RIN2: variants seen among roughly 807,000 people sequenced by gnomAD.
The protein encoded by RIN2 is Ras and Rab interactor 2, also known as RAB5 interacting protein 2.
RIN2 carries 36 observed loss-of-function variants against 78.0 expected under a neutral mutation model. That is an observed-to-expected ratio of 0.46 (90% CI 0.35 to 0.61). The LOEUF is 0.61. RIN2 is among the 20% of genes least tolerant of loss of function. The probability of loss-of-function intolerance (pLI) is 0.00; values close to 1 mark genes in which losing one functional copy is unlikely to be tolerated. For synonymous variants in RIN2, 466 were observed against 466.8 expected (o/e 1.00, Z 0.02); for missense variants, 1,087 against 1,159.7 (o/e 0.94, Z 0.91).
chr20:19,817,288 C>T (rs140008737), intron 2 of RIN2, among the ~76,000 whole-genome samples: 11 of 152,336 alleles, frequency 7.2e-5, no homozygotes, highest in Non-Finnish European at 1.3e-4. Flanking sequence ...GTTCAAGGTG[C>T]TAGCTGACTC....
At chr20:19,848,252 C>T (rs1168990139) in intron 2 of RIN2, among the ~76,000 whole-genome samples, 2 of 152,110 alleles carry the variant, frequency 1.3e-5, no homozygotes, top group Non-Finnish European at 1.5e-5. Context: ...AGCAGGGTCT[C>T]GGCCAGACAA....
Position 19,787,466 on chromosome 20 carries a change from G to T in RIN2, c.-162-12156G>T, listed in dbSNP as rs565300901. Among the ~76,000 whole-genome samples, 5 of 146,096 alleles carry T rather than the reference G, an allele frequency of 3.4e-5. No individual in the cohort carries two copies. In the South Asian group the frequency reaches 1.1e-3, roughly 33 times the overall value. On this transcript the variant is annotated intron_variant, in intron 1 of 12. Transcript: ENST00000255006. ...AAAAAAGAGAGAGAGAGAGAGAAAT[G>T]ACCTCAAATGCGGGGCTAGAGGGAG...
intron 1 of RIN2, among the ~76,000 whole-genome samples, chr20:19,769,044 C>G (rs1304912482): frequency 6.6e-6 from 1 of 151,678 alleles, no homozygotes; most frequent in Non-Finnish European, 1.5e-5. Flanking sequence ...GCCTCAGCCT[C>G]CTGAGTAGCT....
In RIN2 at chr20:19,975,562, C is replaced by T; in HGVS notation, c.1537C>T (p.Arg513Trp). ...CAGCTCCTTCATGACCCCGGAGAAG[C>T]GGATGGTCCGCAGGATCGCCGAGCT... Reference protein sequence around the residue: ...VFSSFMTPEKRMVRRIAELSR... With the variant: ...VFSSFMTPEKWMVRRIAELSR... Residue 513 changes from arginine to tryptophan, a missense_variant, in exon 9 of 13, where the codon CGG becomes TGG. By Grantham distance (101) the Arg-to-Trp change is moderately radical. Transcript: ENST00000255006. This position sits in a 1 kb window ranked among gnomAD's most constrained non-coding sequence, Gnocchi z 4.9. 1 of 1,614,046 alleles carries T rather than the reference C, an allele frequency of 6.2e-7. No homozygotes were observed. Among genetic ancestry groups the T allele is most frequent in the Non-Finnish European group, 8.5e-7 (1 of 1,179,902 alleles).
chr20:19,863,813 G>A lies in RIN2; in HGVS notation c.-36-25753G>A, dbSNP rs2037416960. ...GTTGTTTCTGCTGTTATAAAACTGC[G>A]GTTCATCGGTAGAAAGCAAAGATGA... is the stretch of plus-strand genomic sequence containing the variant. On this transcript the variant is annotated intron_variant, in intron 2 of 12. Coordinates refer to ENST00000255006, the MANE Select transcript of RIN2 (RefSeq NM_018993.4). 2.0e-5 allele frequency among the ~76,000 whole-genome samples: 3 copies of A among 152,124 alleles called. 1 individual carries two copies. The highest frequency in any genetic ancestry group is 4.2e-4 in the South Asian group (2 of 4,800).
intron 2 of RIN2, among the ~76,000 whole-genome samples, chr20:19,833,505 G>A (rs554537365): frequency 6.6e-6 from 1 of 152,272 alleles, no homozygotes; most frequent in Admixed American, 6.5e-5. Flanking sequence ...AAGTACAAAT[G>A]TCCCTTGGTG....
chr20:19,802,293 C>T (rs972290283), intron 2 of RIN2, among the ~76,000 whole-genome samples: 2 of 152,036 alleles, frequency 1.3e-5, no homozygotes, highest in Non-Finnish European at 2.9e-5. Flanking sequence ...GTCCCGAGCA[C>T]CCCGTGCTTA....
At chr20:19,868,023 A>T (rs977480877) in intron 2 of RIN2, among the ~76,000 whole-genome samples, 1 of 152,236 alleles carries the variant, frequency 6.6e-6, no homozygotes, top group Non-Finnish European at 1.5e-5. Flanking sequence ...GGCGTGGGGC[A>T]TGCTGGTGCA....
At chr20:19,965,054 A>G (rs1421170156) in intron 7 of RIN2, 30 bp downstream of exon 7, 3 of 1,571,220 alleles carry the variant, frequency 1.9e-6, no homozygotes, top group Non-Finnish European at 1.7e-6. Context: ...TATGGTTTCA[A>G]GGCCCTGTTT....
chr20:19,986,870 T>C (rs544539057), intron 9 of RIN2, among the ~76,000 whole-genome samples: 2 of 152,328 alleles, frequency 1.3e-5, no homozygotes, highest in Non-Finnish European at 2.9e-5. Context: ...CAACAGAATT[T>C]TACACACATG....
chr20:19,885,694 A>C (rs1345477833), intron 2 of RIN2, among the ~76,000 whole-genome samples: 7 of 151,954 alleles, frequency 4.6e-5, no homozygotes, highest in South Asian at 4.1e-4. Context: ...AACAAACAAA[A>C]AAAAAAACGA....
At chr20:19,834,947 AAGAGAG>A (rs5840858) in intron 2 of RIN2, among the ~76,000 whole-genome samples, 27 of 143,832 alleles carry the variant, frequency 1.9e-4, no homozygotes, top group Non-Finnish European at 3.3e-4. Context: ...CTGTGAAGAA[AAGAGAG>A]AGAGAGAGAG....
intron 2 of RIN2, among the ~76,000 whole-genome samples, chr20:19,861,350 G>A (rs2037326981): frequency 2.0e-5 from 3 of 152,150 alleles, no homozygotes. Context: ...TTCCACCACA[G>A]CCCTTCCCCT....
In RIN2 at chr20:19,956,784, G is replaced by A; in HGVS notation, c.328G>A (p.Val110Ile). Residue 110 changes from valine (V) to isoleucine (I), a missense_variant, in exon 5 of 13, where the codon GTC (valine) becomes ATC (isoleucine). This residue lies in a region of RIN2 where 706 missense variants were observed against 667.5 expected (regional missense o/e 1.06). Coordinates refer to ENST00000255006, the MANE Select transcript of RIN2 (RefSeq NM_018993.4). ...TCTGAGTGAGGAGGAGGCAGCAGAGGTCCTGCAGGCCCAGCCTCCGGGGGT... is the reference window on the plus strand; with the variant it reads ...TCTGAGTGAGGAGGAGGCAGCAGAGATCCTGCAGGCCCAGCCTCCGGGGGT... ...LSLSEEEAAE[V>I]LQAQPPGIFL... The A allele has an allele frequency of 1.3e-6, 2 of 1,594,694 alleles. No individual in the cohort carries two copies. The highest frequency in any genetic ancestry group is 2.7e-5 in the African/African-American group (2 of 74,690).
intron 3 of RIN2, among the ~76,000 whole-genome samples, chr20:19,912,956 G>A (rs2039538529): frequency 6.6e-6 from 1 of 152,218 alleles, no homozygotes; most frequent in African/African-American, 2.4e-5. Context: ...CACAGGCTGA[G>A]CCTCAGTCCA....
chr20:19,894,661 G>A (rs114733841), intron 3 of RIN2, among the ~76,000 whole-genome samples: 217 of 152,166 alleles, frequency 1.4e-3, no homozygotes, highest in African/African-American at 4.9e-3. Flanking sequence ...TATCCACTTG[G>A]CTATTAGTGC....
In RIN2 at chr20:19,889,738, C is replaced by T. The variant is rs923904239; in HGVS notation, c.57+80C>T. 5.9e-5 allele frequency: 67 copies of T among 1,144,256 alleles called. No homozygotes were observed. In the Middle Eastern group the frequency reaches 6.5e-4, roughly 11 times the overall value. 70.9% of individuals were successfully genotyped at this position (1,144,256 alleles called of 1,614,324 possible). A position where few individuals can be genotyped will look rare whatever the true frequency, so the allele number is the denominator to read the frequency against. On this transcript the variant is annotated intron_variant, in intron 3 of 12. Transcript: ENST00000255006. Reference sequence around the variant, plus strand: ...GGAGCTGCGGTGCTCCATGGAGCTGCTGAGGGAAGTCTGCTCTCTGAGCCA... The same window carrying T: ...GGAGCTGCGGTGCTCCATGGAGCTGTTGAGGGAAGTCTGCTCTCTGAGCCA...
At chr20:19,801,567 C>T (rs765902062) in intron 2 of RIN2, among the ~76,000 whole-genome samples, 43 of 152,038 alleles carry the variant, frequency 2.8e-4, no homozygotes, top group Non-Finnish European at 5.7e-4. Flanking sequence ...GTGATCCGCC[C>T]GCCTCGGCCT....
chr20:19,922,907 C>G (rs866393075), intron 3 of RIN2, among the ~76,000 whole-genome samples: 20 of 152,332 alleles, frequency 1.3e-4, no homozygotes, highest in Middle Eastern at 3.4e-3. Context: ...AGCCCTCCCC[C>G]CACCAGCACA....
Sources: allele counts gnomAD v4.1 joint callset (sites outside exome capture counted in the v4.1 genomes callset), GRCh38; gene constraint gnomAD v4.1.1; regional missense constraint gnomAD v4.1.1; non-coding constraint Gnocchi (gnomAD v3.1); transcripts MANE v1.5; gene names NCBI Gene and HGNC (gene_info 2026-07-23, HGNC 2026-07-21).